The following KATNIP variants were observed in gnomAD, a reference collection of about 807,000 sequenced individuals.
KATNIP encodes the protein katanin-interacting protein.
KATNIP carries 126 observed loss-of-function variants against 174.0 expected under a neutral mutation model. The ratio of observed to expected loss-of-function variants is 0.72; its 90% CI spans 0.63 to 0.84. The LOEUF (loss-of-function observed/expected upper bound fraction) is 0.84. KATNIP is among the 40% of genes least tolerant of loss of function. KATNIP has a pLI of 0.00. For missense variants in KATNIP, 1,958 were observed against 2,109.7 expected, an observed-to-expected ratio of 0.93 and a Z score of 1.41; for synonymous variants, 810 against 835.7, an observed-to-expected ratio of 0.97 and a Z score of 0.53.
At chr16:27,759,211 T>C (rs2081857113) in intron 18 of KATNIP, among the ~76,000 whole-genome samples, 1 of 152,174 alleles carries the variant, frequency 6.6e-6, no homozygotes, top group African/African-American at 2.4e-5. Context: ...AACTTCCGTC[T>C]TAGTGGGGGA....
intron 2 of KATNIP, among the ~76,000 whole-genome samples, chr16:27,605,322 A>G (rs983737299): frequency 6.6e-6 from 1 of 152,244 alleles, no homozygotes; most frequent in Non-Finnish European, 1.5e-5. Context: ...TTTTCTGAGA[A>G]TAAAAAGAAA....
At chr16:27,654,540 G>A in intron 6 of KATNIP, 1 of 1,302,306 alleles carries the variant, frequency 7.7e-7, no homozygotes, top group South Asian at 1.2e-5. Flanking sequence ...AGAAGAGCGA[G>A]GCCCCAGCAT....
chr16:27,727,139 C>CAA, intron 14 of KATNIP: 1 of 172,620 alleles, frequency 5.8e-6, no homozygotes, highest in South Asian at 1.1e-4. Context: ...TTAGTGTCAT[C>CAA]GCCGGAGGCT....
intron 5 of KATNIP, among the ~76,000 whole-genome samples, chr16:27,647,060 G>C (rs1335713876): frequency 1.4e-5 from 2 of 145,686 alleles, no homozygotes; most frequent in African/African-American, 2.5e-5. Context: ...GTTCCTCTTA[G>C]CTGCAGGGGA....
intron 2 of KATNIP, among the ~76,000 whole-genome samples, chr16:27,581,821 TTGTAAGTGAAAA>T (rs2090711359): frequency 6.6e-6 from 1 of 152,206 alleles, no homozygotes; most frequent in African/African-American, 2.4e-5. Context: ...TAGCTCCCAC[TTGTAAGTGAAAA>T]CACACAATGT....
chr16:27,750,954 C>T (rs1297945939), intron 16 of KATNIP, among the ~76,000 whole-genome samples: 1 of 151,886 alleles, frequency 6.6e-6, no homozygotes, highest in African/African-American at 2.4e-5. Flanking sequence ...TCTCGAACTC[C>T]TGGGCTCAAG....
Position 27,698,447 on chromosome 16 carries a change from C to T in KATNIP, c.1060C>T (p.Leu354=). ...AGCCATCCAGGTGGAGAACGCAGCC[C>T]TGCAGAGGGCGCTCCTCAGCAGAAA... ...LQAIQVENAA[L]QRALLSRKAE... is the part of the protein sequence containing the mutation. The change falls in exon 9 of 28, where the codon CTG becomes TTG. Residue 354 remains leucine, a synonymous_variant. Coordinates refer to ENST00000261588, the MANE Select transcript of KATNIP (RefSeq NM_015202.5). The T allele has an allele frequency of 1.2e-6, 2 of 1,613,270 alleles. No individual in the cohort carries two copies. The highest frequency in any genetic ancestry group is 1.7e-6 in the Non-Finnish European group (2 of 1,179,694).
intron 12 of KATNIP, among the ~76,000 whole-genome samples, chr16:27,706,036 G>C (rs1021356621): frequency 3.3e-5 from 5 of 152,160 alleles, no homozygotes; most frequent in African/African-American, 1.2e-4. Context: ...ATACAACAAA[G>C]AGCAGAAAAA....
At chr16:27,655,400 A>ATTATTTATTTATTTATTTAT (rs557649469) in intron 6 of KATNIP, among the ~76,000 whole-genome samples, 35 of 148,688 alleles carry the variant, frequency 2.4e-4, no homozygotes, top group African/African-American at 8.0e-4. Context: ...TGTCCAGCCA[A>ATTATTTATTTATTTATTTAT]TTATTTATTT....
Position 27,677,986 on chromosome 16 carries a change from A to G in KATNIP, c.798A>G (p.Pro266=), listed in dbSNP as rs1362935829. The G allele has an allele frequency of 3.1e-6, 5 of 1,613,600 alleles. No homozygotes were observed. Among genetic ancestry groups the G allele is most frequent in the Non-Finnish European group, 4.2e-6 (5 of 1,179,628 alleles). ...CCCTCGTGGTGCTGGAATTTAACCCAGCTTCCAAAAGTGAGCTCTGTCTTG... is the reference window on the plus strand; with the variant it reads ...CCCTCGTGGTGCTGGAATTTAACCCGGCTTCCAAAAGTGAGCTCTGTCTTG... The part of the protein sequence containing the change: ...PDTLVVLEFN[P]ASKSHKRERN... The change falls in exon 7 of 28, where the codon CCA becomes CCG. Residue 266 remains proline, a synonymous_variant. Coordinates refer to ENST00000261588, the MANE Select transcript of KATNIP (RefSeq NM_015202.5).
chr16:27,763,744 T>G (rs1184683398), intron 19 of KATNIP, among the ~76,000 whole-genome samples: 1 of 152,180 alleles, frequency 6.6e-6, no homozygotes, highest in African/African-American at 2.4e-5. Context: ...TGATTTGAGA[T>G]CCAGATAAGG....
chr16:27,632,620 C>T (rs2076523363), intron 5 of KATNIP: 1 of 456,434 alleles, frequency 2.2e-6, no homozygotes, highest in African/African-American at 2.0e-5. Flanking sequence ...GGTCCCTTAC[C>T]AGGAAGAAAT....
At chr16:27,650,099 G>A (rs149296161) in intron 6 of KATNIP, among the ~76,000 whole-genome samples, 1 of 152,208 alleles carries the variant, frequency 6.6e-6, no homozygotes, top group East Asian at 1.9e-4. Context: ...CTTGAACCCG[G>A]GAGGCAGAGG....
chr16:27,737,997 G>T (rs2080960132), intron 14 of KATNIP, among the ~76,000 whole-genome samples: 1 of 152,184 alleles, frequency 6.6e-6, no homozygotes, highest in African/African-American at 2.4e-5. Context: ...AGGGGTAGTG[G>T]GAGGAGGAGC....
chr16:27,673,702 T>C (rs2078005684), intron 6 of KATNIP, among the ~76,000 whole-genome samples: 1 of 152,198 alleles, frequency 6.6e-6, no homozygotes, highest in African/African-American at 2.4e-5. Flanking sequence ...TTGCTGGATG[T>C]CCCCTGGAGT....
chr16:27,747,878 A>G (rs1289602821), intron 15 of KATNIP, among the ~76,000 whole-genome samples: 1 of 152,144 alleles, frequency 6.6e-6, no homozygotes, highest in Non-Finnish European at 1.5e-5. Flanking sequence ...TCTTCCAGGT[A>G]GGAGAGATTT....
intron 14 of KATNIP, among the ~76,000 whole-genome samples, chr16:27,734,486 G>A (rs1312843255): frequency 1.3e-5 from 2 of 151,506 alleles, no homozygotes; most frequent in African/African-American, 4.8e-5. Flanking sequence ...ATCACCTGAG[G>A]TCAGGAGTTT....
At chr16:27,607,157 G>A (rs528519321) in intron 2 of KATNIP, among the ~76,000 whole-genome samples, 7 of 152,146 alleles carry the variant, frequency 4.6e-5, no homozygotes, top group Non-Finnish European at 1.0e-4. Flanking sequence ...GCAGTGTTGG[G>A]AGTGTTATTT....
chr16:27,570,926 T>C (rs1349040183), intron 1 of KATNIP, among the ~76,000 whole-genome samples: 1 of 152,216 alleles, frequency 6.6e-6, no homozygotes, highest in East Asian at 1.9e-4. Flanking sequence ...GCTTCTGCAG[T>C]TTCCTTTAAG....
Sources: allele counts gnomAD v4.1 joint callset (sites outside exome capture counted in the v4.1 genomes callset), GRCh38; gene constraint gnomAD v4.1.1; transcripts MANE v1.5; gene names NCBI Gene and HGNC (gene_info 2026-07-23, HGNC 2026-07-21).